COL15A1: variants seen among roughly 807,000 people sequenced by gnomAD.
COL15A1 encodes the protein collagen type XV alpha 1 chain.
COL15A1 carries 111 observed loss-of-function variants against 165.9 expected under a neutral mutation model. That is an observed-to-expected ratio of 0.67 (90% confidence interval 0.57 to 0.78). The LOEUF (loss-of-function observed/expected upper bound fraction) is 0.78, where lower values mean the gene tolerates loss of function less well. Among genes scored for constraint, COL15A1 ranks in the 30% least tolerant of loss-of-function variants. COL15A1 has a pLI of 0.00. For synonymous variants in COL15A1, 659 were observed against 674.8 expected (o/e 0.98, Z 0.36); for missense variants, 1,745 against 1,789.7 (o/e 0.98, Z 0.45).
intron 2 of COL15A1, among the ~76,000 whole-genome samples, chr9:98,983,279 T>C (rs1173562778): frequency 6.6e-6 from 1 of 152,148 alleles, no homozygotes; most frequent in African/African-American, 2.4e-5. Flanking sequence ...ATGGGAAGTT[T>C]GAGTTCCTGG....
At chr9:98,944,996 C>T (rs1165755367) in intron 2 of COL15A1, among the ~76,000 whole-genome samples, 1 of 152,186 alleles carries the variant, frequency 6.6e-6, no homozygotes, top group African/African-American at 2.4e-5. Context: ...TTTCATCGCT[C>T]TGTGCCTCAG....
intron 2 of COL15A1, among the ~76,000 whole-genome samples, chr9:98,954,337 C>A (rs1837741157): frequency 6.6e-6 from 1 of 152,146 alleles, no homozygotes; most frequent in Non-Finnish European, 1.5e-5. Flanking sequence ...ATAAACCCTG[C>A]TAGCATTTGA....
intron 10 of COL15A1, 33 bp downstream of exon 10, chr9:99,015,599 A>G: frequency 6.2e-7 from 1 of 1,602,958 alleles, no homozygotes; most frequent in Non-Finnish European, 8.5e-7. Flanking sequence ...TCTGGCTCAC[A>G]GGGGAGAGAC....
intron 13 of COL15A1, 64 bp from the exon 14 acceptor site, chr9:99,023,293 T>A: frequency 6.6e-7 from 1 of 1,520,470 alleles, no homozygotes; most frequent in Non-Finnish European, 8.8e-7. Context: ...GAAAACTCAG[T>A]GACGTGGCTG....
chr9:99,033,261 G>C (rs535990325), intron 16 of COL15A1, among the ~76,000 whole-genome samples: 2 of 152,212 alleles, frequency 1.3e-5, no homozygotes, highest in African/African-American at 4.8e-5. Context: ...GATCTTCCGC[G>C]TGTAGGGTGC....
Position 99,055,263 on chromosome 9 carries a change from G to C in COL15A1, c.3083G>C (p.Gly1028Ala). ...YLRHFLNNLK[G>A]ENGDKGFKGE... ...TATTCCTGTGTTCTCTGCTTCCAGGGGGAGAATGGAGACAAGGGGTTCAAA... is the reference window on the plus strand; with the variant it reads ...TATTCCTGTGTTCTCTGCTTCCAGGCGGAGAATGGAGACAAGGGGTTCAAA... Residue 1028 changes from glycine to alanine, a missense_variant and splice_region_variant, in exon 34 of 42, where the codon GGG (glycine) becomes GCG (alanine). By Grantham distance (60) the Gly-to-Ala change is moderately conservative. Transcript: ENST00000375001. The C allele has an allele frequency of 1.2e-6, 2 of 1,608,034 alleles. No individual in the cohort carries two copies. The highest frequency in any genetic ancestry group is 1.7e-6 in the Non-Finnish European group (2 of 1,174,550).
chr9:99,035,443 T>C, intron 19 of COL15A1, 25 bp downstream of exon 19: 1 of 1,613,564 alleles, frequency 6.2e-7, no homozygotes, highest in Non-Finnish European at 8.5e-7. Context: ...AAACCTTCAT[T>C]ATGAGGGTTG....
intron 31 of COL15A1, 32 bp downstream of exon 31, chr9:99,052,465 C>T (rs377422851): frequency 2.3e-5 from 36 of 1,532,650 alleles, no homozygotes; most frequent in Non-Finnish European, 3.0e-5. Flanking sequence ...ATTTGTTTCT[C>T]TGGGACATCT....
At chr9:99,002,955 T>G (rs10988529) in intron 7 of COL15A1, among the ~76,000 whole-genome samples, 3,299 of 152,346 alleles carry the variant, frequency 0.022, 114 homozygotes, top group African/African-American at 0.074. Context: ...ATTTCTCCCA[T>G]TGCTATGAAA....
intron 11 of COL15A1, among the ~76,000 whole-genome samples, chr9:99,017,591 A>G (rs1164601928): frequency 6.6e-6 from 1 of 152,180 alleles, no homozygotes; most frequent in Non-Finnish European, 1.5e-5. Flanking sequence ...GTCTGAGTCC[A>G]GTGCTAGACC....
At chr9:99,046,710 C>T (rs1158472986) in intron 26 of COL15A1, among the ~76,000 whole-genome samples, 1 of 152,150 alleles carries the variant, frequency 6.6e-6, no homozygotes, top group Non-Finnish European at 1.5e-5. Flanking sequence ...CTCCATGATT[C>T]GATTACCTCC....
intron 2 of COL15A1, among the ~76,000 whole-genome samples, chr9:98,965,811 G>A (rs1837946471): frequency 6.6e-6 from 1 of 152,130 alleles, no homozygotes; most frequent in Non-Finnish European, 1.5e-5. Context: ...ATGGCTCCAA[G>A]CTCAGGTCAC....
chr9:99,064,013 CAGGA>C (rs1825857753), intron 39 of COL15A1, among the ~76,000 whole-genome samples: 1 of 152,272 alleles, frequency 6.6e-6, no homozygotes, highest in Admixed American at 6.5e-5. Flanking sequence ...AACTCCATCA[CAGGA>C]AGAACAGCCA....
chr9:99,052,178 A>C (rs1025775096), intron 30 of COL15A1, among the ~76,000 whole-genome samples: 2 of 152,222 alleles, frequency 1.3e-5, no homozygotes, highest in Admixed American at 6.5e-5. Flanking sequence ...CAGCTCAACT[A>C]CATCATGGGT....
At chr9:98,963,147 G>A (rs544155125) in intron 2 of COL15A1, among the ~76,000 whole-genome samples, 7 of 152,312 alleles carry the variant, frequency 4.6e-5, no homozygotes, top group South Asian at 4.1e-4. Context: ...TCACTCTTTG[G>A]AGGCAGCCTT....
At position 99,047,826 on chromosome 9, in the gene COL15A1, T is replaced by C; in HGVS notation, c.2720T>C (p.Leu907Pro). The C allele has an allele frequency of 1.2e-6, 2 of 1,613,960 alleles. No individual in the cohort carries two copies. Among genetic ancestry groups the C allele is most frequent in the Non-Finnish European group, 1.7e-6 (2 of 1,179,938 alleles). Reference protein sequence around the residue: ...GPPGHKGEFGLPGRPGRPGLN... With the variant: ...GPPGHKGEFGPPGRPGRPGLN... ...CCAGGACATAAAGGAGAATTTGGCCTTCCCGGGCGACCTGTAGGTATCAGT... is the reference window on the plus strand; with the variant it reads ...CCAGGACATAAAGGAGAATTTGGCCCTCCCGGGCGACCTGTAGGTATCAGT... The change falls in exon 27 of 42, where the codon CTT becomes CCT. Residue 907 changes from leucine to proline, a missense_variant. Transcript: ENST00000375001.
At position 99,005,628 on chromosome 9, in the gene COL15A1, C is replaced by T. The variant is rs115661531; in HGVS notation, c.1353+578C>T. Among the ~76,000 whole-genome samples, 607 of 152,346 alleles carry T rather than the reference C, an allele frequency of 4.0e-3. 6 individuals are homozygous for T. Among genetic ancestry groups the T allele is most frequent in the African/African-American group, 0.014 (563 of 41,582 alleles). On this transcript the variant is annotated intron_variant, in intron 9 of 41. Transcript: ENST00000375001. ...TCCCACCTCAAATGAATGGGACCAT[C>T]ATCCTCCAGTCACCTAATCCAGAAT...
intron 2 of COL15A1, among the ~76,000 whole-genome samples, chr9:98,982,617 C>CGATGAT (rs142566035): frequency 1.8e-4 from 27 of 150,562 alleles, no homozygotes; most frequent in African/African-American, 6.1e-4. Context: ...ACAGTGATGA[C>CGATGAT]GATGATGATG....
chr9:99,053,886 A>G (rs914340617), intron 31 of COL15A1, among the ~76,000 whole-genome samples: 1 of 152,162 alleles, frequency 6.6e-6, no homozygotes, highest in Non-Finnish European at 1.5e-5. Flanking sequence ...CGAGGAATTC[A>G]AAGACCTAGC....
Sources: allele counts gnomAD v4.1 joint callset (sites outside exome capture counted in the v4.1 genomes callset), GRCh38; gene constraint gnomAD v4.1.1; transcripts MANE v1.5; gene names NCBI Gene and HGNC (gene_info 2026-07-23, HGNC 2026-07-21).